The following ZNF177 variants were observed in gnomAD, a reference collection of about 807,000 sequenced individuals.
ZNF177 encodes zinc finger protein 177.
In ZNF177, 17 loss-of-function variants were observed where a neutral mutation model predicts 19.4. The ratio of observed to expected loss-of-function variants is 0.87; its 90% CI spans 0.60 to 1.31. The LOEUF is 1.31. ZNF177 is among the 40% of genes most tolerant of loss of function. ZNF177 has a pLI of 0.00. For missense variants in ZNF177, 633 were observed against 561.8 expected (o/e 1.13, Z -1.28); for synonymous variants, 220 against 188.7 (o/e 1.17, Z -1.36).
At chr19:9,373,753 T>C (rs2068076465), upstream of ZNF177, among the ~76,000 whole-genome samples, 1 of 152,214 alleles carries the variant, frequency 6.6e-6, no homozygotes, top group Non-Finnish European at 1.5e-5. Context: ...TGGAAAACTG[T>C]CTATTTAGAT....
intron 4 of ZNF177, 22 bp downstream of exon 6, chr19:9,379,641 G>A: frequency 1.2e-6 from 2 of 1,611,490 alleles, no homozygotes; most frequent in Middle Eastern, 1.7e-4. Context: ...GCAGAACAGG[G>A]TGCAGCCTTG....
intron 4 of ZNF177, 142 bp from the exon 7 acceptor site, chr19:9,379,915 T>A (rs2068168086): frequency 2.0e-6 from 2 of 1,012,578 alleles, no homozygotes; most frequent in Admixed American, 6.3e-5. Flanking sequence ...CTATCACTGG[T>A]GAATCACTGG....
intron 1 of ZNF177, among the ~76,000 whole-genome samples, chr19:9,377,872 G>A (rs1195749569): frequency 2.0e-5 from 3 of 152,118 alleles, no homozygotes; most frequent in Non-Finnish European, 2.9e-5. Context: ...AATGAGGAAC[G>A]TGAGGGTGTG....
At chr19:9,380,201 TAAA>T in intron 5 of ZNF177, 62 bp downstream of exon 7, 1 of 1,525,896 alleles carries the variant, frequency 6.6e-7, no homozygotes, top group East Asian at 2.4e-5. Flanking sequence ...CTGAATGAGT[TAAA>T]ACATCAGCAC....
intron 1 of ZNF177, among the ~76,000 whole-genome samples, chr19:9,363,607 A>G (rs184686909): frequency 6.6e-6 from 1 of 152,232 alleles, no homozygotes; most frequent in African/African-American, 2.4e-5. Context: ...TTGAAAGTCA[A>G]GTTGTTGGGT....
upstream of ZNF177, among the ~76,000 whole-genome samples, chr19:9,376,111 A>G (rs144697906): frequency 4.6e-5 from 7 of 152,190 alleles, no homozygotes; most frequent in Non-Finnish European, 7.4e-5. Flanking sequence ...GTCAGCCACT[A>G]TGTGTTTTGA....
At chr19:9,372,424 G>A (rs890713735), upstream of ZNF177, among the ~76,000 whole-genome samples, 2 of 151,892 alleles carry the variant, frequency 1.3e-5, no homozygotes, top group South Asian at 4.2e-4. Context: ...CCTAGGAATA[G>A]AGTGCTATAA....
In ZNF177 at chr19:9,368,218, TGTG is replaced by T. The variant is rs2068004887; in HGVS notation, c.-305+3273_-305+3275del. On this transcript the variant is annotated intron_variant, in intron 2 of 8. Coordinates refer to the ZNF177 transcript ENST00000343499. Reference sequence around the variant, plus strand: ...GATTCTTCTTTTATATTTTTTAAATTGTGGTAAAATACCTAAAGCCAAATTTGC... The same window carrying T: ...GATTCTTCTTTTATATTTTTTAAATTGTAAAATACCTAAAGCCAAATTTGC... 9.8e-5 allele frequency among the ~76,000 whole-genome samples: 15 copies of T among 152,338 alleles called. No homozygotes were observed. The South Asian group carries it at 3.1e-3, about 32-fold the overall frequency.
In ZNF177 at chr19:9,381,683, C is replaced by T. The variant is rs751070483; in HGVS notation, c.1352C>T (p.Pro451Leu). 8 of 1,614,076 alleles carry T rather than the reference C, an allele frequency of 5.0e-6. No individual in the cohort carries two copies. In the Admixed American group the frequency reaches 6.7e-5, roughly 13 times the overall value. The change falls in exon 6 of 6, where the codon CCT becomes CTT. Residue 451 changes from proline to leucine, a missense_variant. Physicochemically the swap from Pro to Leu is moderately conservative, Grantham distance 98. Transcript: ENST00000589262. ...GTGAGAACTCACACTGGAGAGAAGC[C>T]TTATAAATGTATTCAGTGTGAAAAA...
chr19:9,374,380 T>C (rs2068083975), upstream of ZNF177, among the ~76,000 whole-genome samples: 1 of 152,226 alleles, frequency 6.6e-6, no homozygotes, highest in African/African-American at 2.4e-5. Context: ...TTTTTGTGTT[T>C]CCATATGAAT....
intron 4 of ZNF177, 50 bp downstream of exon 6, chr19:9,379,669 C>G: frequency 6.3e-7 from 1 of 1,586,756 alleles, no homozygotes; most frequent in Non-Finnish European, 8.6e-7. Flanking sequence ...AGGGTTAGTA[C>G]ATTTGGGAAT....
chr19:9,373,567 C>CGATG (rs1555736130), upstream of ZNF177, among the ~76,000 whole-genome samples: 2 of 152,152 alleles, frequency 1.3e-5, no homozygotes, highest in Non-Finnish European at 1.5e-5. Context: ...CTTCTAACAA[C>CGATG]GATGTATAAG....
At chr19:9,381,945 A>G in exon 6 of ZNF177, 1 of 1,010,026 alleles carries the variant, frequency 9.9e-7, no homozygotes, top group Non-Finnish European at 1.4e-6. Flanking sequence ...GATTGTTTTT[A>G]TCAGTGAGTA....
chr19:9,378,293 G>A (rs1251548366), exon 2 of ZNF177: 1 of 1,613,450 alleles, frequency 6.2e-7, no homozygotes, highest in Non-Finnish European at 8.5e-7. Flanking sequence ...AGCCAGGAAG[G>A]AAACCTACAG....
intron 2 of ZNF177, among the ~76,000 whole-genome samples, chr19:9,368,399 G>A (rs2068006870): frequency 6.6e-6 from 1 of 152,016 alleles, no homozygotes; most frequent in Non-Finnish European, 1.5e-5. Context: ...TGAAAGTTTT[G>A]AATTTGATTA....
chr19:9,379,339 A>T (rs542933436), intron 3 of ZNF177, among the ~76,000 whole-genome samples, 188 bp from the exon 6 acceptor site: 1 of 152,374 alleles, frequency 6.6e-6, no homozygotes, highest in South Asian at 2.1e-4. Context: ...TCACTTCCAT[A>T]TAGGGCGTGG....
At chr19:9,372,928 G>A (rs2122519679), upstream of ZNF177, among the ~76,000 whole-genome samples, 1 of 152,204 alleles carries the variant, frequency 6.6e-6, no homozygotes, top group East Asian at 1.9e-4. Context: ...TGTTTAAGGT[G>A]TACAACATAA....
At chr19:9,368,005 T>G (rs759271752) in intron 2 of ZNF177, among the ~76,000 whole-genome samples, 44 of 152,216 alleles carry the variant, frequency 2.9e-4, no homozygotes, top group Non-Finnish European at 5.9e-4. Flanking sequence ...ATGCCTAATC[T>G]CTGGAATATT....
exon 6 of ZNF177, chr19:9,381,012 T>C (rs750229293): frequency 1.3e-6 from 2 of 1,584,374 alleles, no homozygotes; most frequent in Non-Finnish European, 1.7e-6. Context: ...AAATACCTAC[T>C]GGAGAGAAAG....
Sources: allele counts gnomAD v4.1 joint callset (sites outside exome capture counted in the v4.1 genomes callset), GRCh38; gene constraint gnomAD v4.1.1; transcripts MANE v1.5; gene names NCBI Gene and HGNC (gene_info 2026-07-23, HGNC 2026-07-21).